The following DPP10 variants were observed in gnomAD, a reference collection of about 807,000 sequenced individuals.
DPP10 encodes dipeptidyl peptidase like 10.
In DPP10, 33 loss-of-function variants were observed where a neutral mutation model predicts 120.9. The observed-to-expected ratio is 0.27, with a 90% confidence interval of 0.21 to 0.37. The LOEUF is 0.37. Among genes scored for constraint, DPP10 ranks in the 10% least tolerant of loss-of-function variants. DPP10 has a pLI of 1.00. For synonymous variants in DPP10, 337 were observed against 326.1 expected (o/e 1.03, Z -0.36); for missense variants, 816 against 942.8 (o/e 0.87, Z 1.76).
chr2:114,922,661 G>C (rs978550944), intron 1 of DPP10, among the ~76,000 whole-genome samples: 6 of 152,116 alleles, frequency 3.9e-5, no homozygotes, highest in Admixed American at 3.9e-4. Flanking sequence ...TTTTGTGACT[G>C]GCTCTTTCAC....
chr2:114,844,288 A>T (rs1167220337), intron 1 of DPP10, among the ~76,000 whole-genome samples: 1 of 152,048 alleles, frequency 6.6e-6, no homozygotes, highest in Non-Finnish European at 1.5e-5. Context: ...CCCAAATAAT[A>T]GTTTCCTCAA....
intron 1 of DPP10, among the ~76,000 whole-genome samples, chr2:114,760,178 C>T (rs534091529): frequency 6.6e-6 from 1 of 152,264 alleles, no homozygotes; most frequent in African/African-American, 2.4e-5. Context: ...CATCCCCCAG[C>T]AGCTATGAGC....
intron 3 of DPP10, among the ~76,000 whole-genome samples, chr2:115,352,262 A>G (rs200184960): frequency 6.6e-6 from 1 of 152,160 alleles, no homozygotes; most frequent in East Asian, 1.9e-4. Flanking sequence ...TTTTTAAAAT[A>G]AGAAAAAAAA....
At chr2:115,563,181 G>A (rs575755841) in intron 5 of DPP10, among the ~76,000 whole-genome samples, 11 of 152,166 alleles carry the variant, frequency 7.2e-5, no homozygotes, top group Non-Finnish European at 1.3e-4. Flanking sequence ...TTGTTTCAGA[G>A]CGGGGAGCAT....
At chr2:114,751,433 C>G (rs1679210370) in intron 1 of DPP10, among the ~76,000 whole-genome samples, 1 of 152,190 alleles carries the variant, frequency 6.6e-6, no homozygotes, top group African/African-American at 2.4e-5. Context: ...AGGCTGCTAC[C>G]TGTTTGGGCT....
intron 1 of DPP10, among the ~76,000 whole-genome samples, chr2:115,120,687 A>T (rs2049776371): frequency 6.6e-6 from 1 of 152,162 alleles, no homozygotes; most frequent in Non-Finnish European, 1.5e-5. Context: ...ACATTTTTTT[A>T]AATAAATTCC....
chr2:114,917,018 G>T (rs186181283), intron 1 of DPP10, among the ~76,000 whole-genome samples: 2 of 152,286 alleles, frequency 1.3e-5, no homozygotes, highest in East Asian at 3.9e-4. Flanking sequence ...AGGAAGAGAC[G>T]AAGTCAAACC....
intron 1 of DPP10, among the ~76,000 whole-genome samples, chr2:115,220,479 A>G (rs554131406): frequency 6.6e-6 from 1 of 152,270 alleles, no homozygotes; most frequent in African/African-American, 2.4e-5. Flanking sequence ...TGGGAGGCTG[A>G]GGTGGGAGGA....
At chr2:115,229,737 A>G (rs1470662570) in intron 1 of DPP10, among the ~76,000 whole-genome samples, 1 of 148,940 alleles carries the variant, frequency 6.7e-6, no homozygotes, top group Non-Finnish European at 1.5e-5. Flanking sequence ...ATTCTATTCT[A>G]TTCTATTCTA....
intron 1 of DPP10, among the ~76,000 whole-genome samples, chr2:114,570,275 AT>A (rs1243978952): frequency 6.6e-6 from 1 of 152,188 alleles, no homozygotes; most frequent in Non-Finnish European, 1.5e-5. Context: ...AAAGCAGAAA[AT>A]GTGGACTGGA....
intron 5 of DPP10, among the ~76,000 whole-genome samples, chr2:115,560,365 CT>C (rs2080495141): frequency 2.0e-5 from 1 of 50,200 alleles, no homozygotes; most frequent in Non-Finnish European, 3.3e-5. Flanking sequence ...AGCAAGACTC[CT>C]TCTCAAAAAA....
intron 1 of DPP10, among the ~76,000 whole-genome samples, chr2:114,550,273 T>A (rs1480604001): frequency 6.6e-6 from 1 of 152,234 alleles, no homozygotes; most frequent in Non-Finnish European, 1.5e-5. Context: ...GCCCTCTCCA[T>A]GATTTAACTG....
chr2:115,567,330 C>T (rs551864334), intron 5 of DPP10, among the ~76,000 whole-genome samples: 1 of 152,072 alleles, frequency 6.6e-6, no homozygotes, highest in Non-Finnish European at 1.5e-5. Flanking sequence ...CTTTCCAATT[C>T]TCACCCTCTC....
chr2:114,675,377 A>G (rs1698602633), intron 1 of DPP10, among the ~76,000 whole-genome samples: 5 of 152,170 alleles, frequency 3.3e-5, no homozygotes, highest in Admixed American at 3.3e-4. Flanking sequence ...TTGAGTGAGG[A>G]TTGATTTGAT....
chr2:114,791,449 G>A (rs180825915), intron 1 of DPP10, among the ~76,000 whole-genome samples: 14 of 152,322 alleles, frequency 9.2e-5, no homozygotes, highest in South Asian at 4.1e-4. Context: ...CTCAGGAGCT[G>A]CTGGGTGTGG....
At chr2:115,750,410 C>T (rs903985931) in intron 10 of DPP10, among the ~76,000 whole-genome samples, 1 of 152,198 alleles carries the variant, frequency 6.6e-6, no homozygotes, top group Non-Finnish European at 1.5e-5. Flanking sequence ...CCAACACCTT[C>T]ATATAGAAAT....
intron 1 of DPP10, among the ~76,000 whole-genome samples, chr2:115,192,069 G>A (rs2054923249): frequency 1.3e-5 from 2 of 152,244 alleles, no homozygotes; most frequent in African/African-American, 4.8e-5. Flanking sequence ...TGGGTGCCAG[G>A]GATTATGATA....
intron 1 of DPP10, among the ~76,000 whole-genome samples, chr2:115,200,928 A>G (rs1341461476): frequency 1.3e-5 from 2 of 152,210 alleles, no homozygotes; most frequent in Non-Finnish European, 2.9e-5. Flanking sequence ...GAGGAAGCAG[A>G]TATACTAGTT....
intron 1 of DPP10, among the ~76,000 whole-genome samples, chr2:114,601,176 A>G (rs1019255807): frequency 1.3e-5 from 2 of 151,832 alleles, no homozygotes; most frequent in Non-Finnish European, 2.9e-5. Context: ...TTGGCACTCT[A>G]ATGACGTTGT....
Sources: gnomAD v4.1 joint callset for allele counts (sites outside exome capture counted in the v4.1 genomes callset) on GRCh38, gnomAD v4.1.1 for gene constraint, MANE v1.5 for transcripts, NCBI Gene and HGNC (gene_info 2026-07-23, HGNC 2026-07-21) for gene names.